The following IGF2BP2 variants were observed in gnomAD, a reference collection of about 807,000 sequenced individuals.
IGF2BP2 encodes insulin-like growth factor 2 mRNA-binding protein 2.
Under a neutral mutation model 75.8 loss-of-function variants are expected in IGF2BP2, and 17 were observed. That is an observed-to-expected ratio of 0.22 (90% CI 0.15 to 0.34). The LOEUF (loss-of-function observed/expected upper bound fraction) is 0.34. IGF2BP2 is among the 10% of genes least tolerant of loss of function. The pLI is 1.00. For synonymous variants in IGF2BP2, 288 were observed against 295.6 expected, an observed-to-expected ratio of 0.97 and a Z score of 0.26; for missense variants, 516 against 772.4, an observed-to-expected ratio of 0.67 and a Z score of 3.93.
chr3:185,789,597 G>C (rs1736358249), intron 2 of IGF2BP2, among the ~76,000 whole-genome samples: 1 of 151,766 alleles, frequency 6.6e-6, no homozygotes, highest in African/African-American at 2.4e-5. Context: ...TGTGTTTCAA[G>C]TCCCTGGTTA....
chr3:185,658,161 C>G (rs1365328430), intron 11 of IGF2BP2, among the ~76,000 whole-genome samples, 180 bp downstream of exon 11: 1 of 152,202 alleles, frequency 6.6e-6, no homozygotes, highest in East Asian at 1.9e-4. Context: ...TGCAGAACCT[C>G]AAGAGCACTC....
chr3:185,643,135 T>C lies in IGF2BP2; in HGVS notation c.*2396A>G, dbSNP rs949972026. Among the ~76,000 whole-genome samples, 3 of 152,184 alleles carry C rather than the reference T, an allele frequency of 2.0e-5. No homozygotes were observed. The highest frequency in any genetic ancestry group is 4.4e-5 in the Non-Finnish European group (3 of 68,030). On this transcript the variant is annotated 3_prime_UTR_variant, in exon 16 of 16. Coordinates refer to ENST00000382199, the MANE Select transcript of IGF2BP2 (RefSeq NM_006548.6). ...TCACATGCAGTGAGACACTAAAACGTGTATGACTCATTTTATTGCAAAGTT... is the reference window on the plus strand; with the variant it reads ...TCACATGCAGTGAGACACTAAAACGCGTATGACTCATTTTATTGCAAAGTT...
intron 10 of IGF2BP2, among the ~76,000 whole-genome samples, chr3:185,661,741 T>C (rs1438130451): frequency 4.0e-5 from 6 of 151,798 alleles, no homozygotes; most frequent in Non-Finnish European, 7.4e-5. Flanking sequence ...TAATGGTCAC[T>C]GTCAGCATGG....
chr3:185,799,581 T>C (rs1737909953), intron 2 of IGF2BP2, among the ~76,000 whole-genome samples: 1 of 151,950 alleles, frequency 6.6e-6, no homozygotes, highest in South Asian at 2.1e-4. Flanking sequence ...ACCCCGTCTC[T>C]ACTAAAAAAA....
chr3:185,732,218 T>C (rs1347420013), intron 2 of IGF2BP2, among the ~76,000 whole-genome samples: 1 of 152,202 alleles, frequency 6.6e-6, no homozygotes, highest in African/African-American at 2.4e-5. Flanking sequence ...ATTGGGAGTG[T>C]GAGGCCTTGA....
At position 185,772,862 on chromosome 3, in the gene IGF2BP2, G is replaced by A. The variant is rs139653066; in HGVS notation, c.239+50291C>T. Among the ~76,000 whole-genome samples, 335 of 152,238 alleles carry A rather than the reference G, an allele frequency of 2.2e-3. 1 individual carries two copies. The highest frequency in any genetic ancestry group is 7.5e-3 in the African/African-American group (311 of 41,522). On this transcript the variant is annotated intron_variant, in intron 2 of 15. Transcript: ENST00000382199. The stretch of plus-strand genomic sequence containing the variant: ...CTCCCAAAGTGCTGGGATTACAGGC[G>A]TGAGCCACCGTGCCCGGCCCTTTCC...
At chr3:185,819,666 A>G (rs1334904747) in intron 2 of IGF2BP2, among the ~76,000 whole-genome samples, 1 of 152,078 alleles carries the variant, frequency 6.6e-6, no homozygotes, top group East Asian at 1.9e-4. Flanking sequence ...TTCTGTGTTA[A>G]TATATGTTAT....
chr3:185,684,662 C>A (rs1720864969), intron 7 of IGF2BP2, among the ~76,000 whole-genome samples: 1 of 152,218 alleles, frequency 6.6e-6, no homozygotes, highest in African/African-American at 2.4e-5. Flanking sequence ...CCGCTTCAGC[C>A]TCCCAAAGTG....
intron 2 of IGF2BP2, among the ~76,000 whole-genome samples, chr3:185,807,305 G>C (rs947035356): frequency 6.6e-6 from 1 of 152,158 alleles, no homozygotes; most frequent in African/African-American, 2.4e-5. Flanking sequence ...CTAAAAATGT[G>C]ACCCCACCTA....
At chr3:185,686,408 G>A (rs976608078) in intron 7 of IGF2BP2, among the ~76,000 whole-genome samples, 4 of 151,596 alleles carry the variant, frequency 2.6e-5, no homozygotes, top group Non-Finnish European at 5.9e-5. Flanking sequence ...GGAGAGGGGG[G>A]TAGTGAGGAG....
chr3:185,709,780 CAA>C (rs1329974059), intron 2 of IGF2BP2, among the ~76,000 whole-genome samples: 4 of 152,190 alleles, frequency 2.6e-5, no homozygotes, highest in African/African-American at 9.7e-5. Flanking sequence ...CCATGTAAAT[CAA>C]AGAGTATCTC....
chr3:185,748,867 A>G (rs1367837925), intron 2 of IGF2BP2, among the ~76,000 whole-genome samples: 1 of 152,216 alleles, frequency 6.6e-6, no homozygotes, highest in Non-Finnish European at 1.5e-5. Context: ...AAATTTAGTA[A>G]TCTAAGAACT....
At chr3:185,791,794 G>A (rs1736676798) in intron 2 of IGF2BP2, among the ~76,000 whole-genome samples, 1 of 152,226 alleles carries the variant, frequency 6.6e-6, no homozygotes, top group African/African-American at 2.4e-5. Context: ...ATTTAACAGT[G>A]TTTCTACACA....
At chr3:185,716,662 C>A in intron 2 of IGF2BP2, 1 of 520,114 alleles carries the variant, frequency 1.9e-6, no homozygotes, top group Non-Finnish European at 3.8e-6. Flanking sequence ...CTTGGGCTCC[C>A]TGATCTGGTT....
In IGF2BP2 at chr3:185,695,975, TG is replaced by T. The variant is rs1257711434; in HGVS notation, c.340+636del. ...GCTAATTTTGTATTTTTAGTAGAGA[TG>T]GGGTTTTGCCATGTTGGCCAGGCTG... On this transcript the variant is annotated intron_variant, in intron 4 of 15. Coordinates refer to ENST00000382199, the MANE Select transcript of IGF2BP2 (RefSeq NM_006548.6). 9.2e-5 allele frequency among the ~76,000 whole-genome samples: 14 copies of T among 152,250 alleles called. No homozygotes were observed. The South Asian group carries it at 1.0e-3, about 11-fold the overall frequency.
At chr3:185,765,932 G>C (rs1732979528) in intron 2 of IGF2BP2, among the ~76,000 whole-genome samples, 1 of 152,202 alleles carries the variant, frequency 6.6e-6, no homozygotes, top group Admixed American at 6.5e-5. Flanking sequence ...GAATGAGGCA[G>C]GTTTACGGAG....
chr3:185,789,240 C>T (rs1736298017), intron 2 of IGF2BP2, among the ~76,000 whole-genome samples: 1 of 152,154 alleles, frequency 6.6e-6, no homozygotes, highest in Non-Finnish European at 1.5e-5. Flanking sequence ...TGCATGAAAA[C>T]TGCTGTATCT....
chr3:185,687,496 C>CT (rs1238321704), intron 6 of IGF2BP2, among the ~76,000 whole-genome samples: 1 of 152,226 alleles, frequency 6.6e-6, no homozygotes, highest in African/African-American at 2.4e-5. Context: ...TTTGTGTAGT[C>CT]TTTCAAATGA....
At chr3:185,806,284 G>A (rs1739016293) in intron 2 of IGF2BP2, among the ~76,000 whole-genome samples, 1 of 152,136 alleles carries the variant, frequency 6.6e-6, no homozygotes, top group Admixed American at 6.5e-5. Context: ...CACAAAAGAG[G>A]TGGGAAAAAG....
Sources: gnomAD v4.1 joint callset for allele counts (sites outside exome capture counted in the v4.1 genomes callset) on GRCh38, gnomAD v4.1.1 for gene constraint, MANE v1.5 for transcripts, NCBI Gene and HGNC (gene_info 2026-07-23, HGNC 2026-07-21) for gene names.